The following SLC12A1 variants were observed in gnomAD, a reference collection of about 807,000 sequenced individuals.
The protein encoded by SLC12A1 is solute carrier family 12 member 1, also known as Na-K-2Cl cotransporter.
A neutral mutation model predicts 130.4 loss-of-function variants in SLC12A1; 89 were observed. The observed-to-expected ratio is 0.68, with a 90% confidence interval of 0.58 to 0.81. SLC12A1 has a LOEUF of 0.81. SLC12A1 is among the 40% of genes least tolerant of loss of function. The pLI is 0.00. For synonymous variants in SLC12A1, 499 were observed against 460.0 expected, an observed-to-expected ratio of 1.08 and a Z score of -1.09; for missense variants, 1,310 against 1,336.4, an observed-to-expected ratio of 0.98 and a Z score of 0.31.
At position 48,229,161 on chromosome 15, in the gene SLC12A1, T is replaced by A. The variant is rs112415791; in HGVS notation, c.725-28T>A. ...GTTATATAAACTAGCAGTTCCTCAA[T>A]GTGAAGTATGTTCATTTCTTGTTTC... On this transcript the variant is annotated intron_variant, in intron 5 of 26. Transcript: ENST00000380993. 1.5e-5 allele frequency: 24 copies of A among 1,571,258 alleles called. No homozygotes were observed. In the African/African-American group the frequency reaches 2.0e-4, roughly 13 times the overall value.
chr15:48,226,406 A>G (rs2041286747), intron 4 of SLC12A1, 70 bp from the exon 5 acceptor site: 3 of 915,884 alleles, frequency 3.3e-6, no homozygotes, highest in Admixed American at 2.4e-5. Context: ...AAGGCAGTGT[A>G]GTTTGCAGCA....
chr15:48,303,116 C>T lies in SLC12A1; in HGVS notation c.*231C>T. Reference sequence around the variant, plus strand: ...TATCCCTAGAAAAACATTTTTGTCACTGCTGTTGATAAACAAGAAAATCAA... The same window carrying T: ...TATCCCTAGAAAAACATTTTTGTCATTGCTGTTGATAAACAAGAAAATCAA... On this transcript the variant is annotated 3_prime_UTR_variant, in exon 27 of 27. Coordinates refer to ENST00000380993, the MANE Select transcript of SLC12A1 (RefSeq NM_000338.3). 1 of 329,522 alleles carries T rather than the reference C, an allele frequency of 3.0e-6. No individual in the cohort carries two copies. The highest frequency in any genetic ancestry group is 5.5e-6 in the Non-Finnish European group (1 of 183,326). The allele number at this position is 329,522 out of a possible 1,614,324, so 20.4% of individuals were successfully genotyped here. A position where few individuals can be genotyped will look rare whatever the true frequency, so the allele number is the denominator to read the frequency against.
Position 48,228,904 on chromosome 15 carries a change from G to A in SLC12A1, c.725-285G>A, listed in dbSNP as rs60545295. 0.18 allele frequency: 46,028 copies of A among 256,128 alleles called. 4,374 individuals are homozygous for A. Among genetic ancestry groups the A allele is most frequent in the African/African-American group, 0.25 (11,207 of 45,160 alleles). 15.9% of individuals were successfully genotyped at this position (256,128 alleles called of 1,614,324 possible). On this transcript the variant is annotated intron_variant, in intron 5 of 26. Transcript: ENST00000380993. The stretch of plus-strand genomic sequence containing the variant: ...CCAATGATATTTTTATAAAGACAAC[G>A]CATTTTTTGTAAATTTTGCTGTGTT...
At chr15:48,262,718 T>C (rs2041789575) in intron 17 of SLC12A1, among the ~76,000 whole-genome samples, 1 of 152,222 alleles carries the variant, frequency 6.6e-6, no homozygotes, top group Admixed American at 6.5e-5. Flanking sequence ...TCTATCCCAA[T>C]AGGCTTTATA....
chr15:48,271,104 T>C (rs2041894067), intron 19 of SLC12A1, among the ~76,000 whole-genome samples: 1 of 151,162 alleles, frequency 6.6e-6, no homozygotes, highest in Admixed American at 6.6e-5. Flanking sequence ...GGCGCCTACT[T>C]GGGAGGCTGA....
intron 15 of SLC12A1, among the ~76,000 whole-genome samples, chr15:48,254,631 C>A (rs1365580002): frequency 0.02 from 1,386 of 69,258 alleles, 22 homozygotes; most frequent in African/African-American, 0.033. Context: ...AAAAAAAAAA[C>A]CCAAAAAAGA....
chr15:48,252,467 T>C (rs959578424), intron 15 of SLC12A1, among the ~76,000 whole-genome samples: 1 of 152,144 alleles, frequency 6.6e-6, no homozygotes, highest in African/African-American at 2.4e-5. Flanking sequence ...ATAAATTAGA[T>C]ATAGTCCCTG....
intron 26 of SLC12A1, among the ~76,000 whole-genome samples, chr15:48,302,263 A>G (rs2061653972): frequency 6.6e-6 from 1 of 152,190 alleles, no homozygotes; most frequent in Admixed American, 6.5e-5. Flanking sequence ...TACCTGAAAA[A>G]TACATCAGTT....
intron 2 of SLC12A1, among the ~76,000 whole-genome samples, chr15:48,218,371 C>T (rs1053488576): frequency 5.3e-5 from 8 of 151,822 alleles, no homozygotes; most frequent in African/African-American, 1.7e-4. Context: ...GCACTCACCT[C>T]GGGAAGGAAA....
chr15:48,218,959 T>A (rs1323033378), intron 2 of SLC12A1, among the ~76,000 whole-genome samples: 1 of 152,222 alleles, frequency 6.6e-6, no homozygotes, highest in African/African-American at 2.4e-5. Context: ...CCTGCCCTCT[T>A]GAGCTCAGAT....
chr15:48,266,159 A>C (rs2041829714), intron 17 of SLC12A1, among the ~76,000 whole-genome samples: 1 of 152,182 alleles, frequency 6.6e-6, no homozygotes, highest in Admixed American at 6.5e-5. Flanking sequence ...TGTAGAACAT[A>C]CCTCAAGAGA....
chr15:48,296,419 G>T (rs1321404205), intron 24 of SLC12A1, among the ~76,000 whole-genome samples: 1 of 152,116 alleles, frequency 6.6e-6, no homozygotes, highest in African/African-American at 2.4e-5. Flanking sequence ...AAGCTCTTGT[G>T]CTTAAATTCT....
At chr15:48,283,820 C>T (rs1319855287) in intron 20 of SLC12A1, among the ~76,000 whole-genome samples, 1 of 152,218 alleles carries the variant, frequency 6.6e-6, no homozygotes, top group East Asian at 1.9e-4. Flanking sequence ...CTGTTCTCAG[C>T]AGGCAATAAG....
intron 9 of SLC12A1, among the ~76,000 whole-genome samples, chr15:48,240,064 T>TCC (rs2041492940): frequency 1.0e-5 from 1 of 99,808 alleles, no homozygotes; most frequent in Non-Finnish European, 1.8e-5. Flanking sequence ...TATATATATA[T>TCC]ATATATCCAT....
At position 48,288,089 on chromosome 15, in the gene SLC12A1, C is replaced by T. The variant is rs373172332; in HGVS notation, c.2676C>T (p.Asn892=). The change falls in exon 22 of 27, where the codon AAC becomes AAT. Residue 892 remains asparagine (N), a synonymous_variant. Transcript: ENST00000380993. ...TSQSMHVGEF[N]QKLVEASTQF... ...AGTCGATGCATGTGGGAGAGTTCAA[C>T]CAGAAACTGGTGGAAGCCAGCACTC... is the stretch of plus-strand genomic sequence containing the variant. 20 of 1,610,760 alleles carry T rather than the reference C, an allele frequency of 1.2e-5. No individual in the cohort carries two copies. Among genetic ancestry groups the T allele is most frequent in the Non-Finnish European group, 1.7e-5 (20 of 1,178,548 alleles).
chr15:48,237,860 G>C (rs997572313), intron 9 of SLC12A1, among the ~76,000 whole-genome samples: 10 of 152,062 alleles, frequency 6.6e-5, no homozygotes, highest in Admixed American at 3.9e-4. Flanking sequence ...AGGGTGGTTT[G>C]GAAGGTGGGA....
At chr15:48,232,469 C>G (rs1694535366) in intron 7 of SLC12A1, among the ~76,000 whole-genome samples, 1 of 152,196 alleles carries the variant, frequency 6.6e-6, no homozygotes, top group Non-Finnish European at 1.5e-5. Context: ...CCATCTGCTA[C>G]TTAGAATGTT....
chr15:48,271,320 A>C (rs1489260460), intron 19 of SLC12A1, among the ~76,000 whole-genome samples: 2 of 152,208 alleles, frequency 1.3e-5, no homozygotes, highest in African/African-American at 4.8e-5. Context: ...TTTTGTGTCA[A>C]CATCTCTGGA....
chr15:48,215,051 A>C (rs959403516), intron 2 of SLC12A1, among the ~76,000 whole-genome samples: 6 of 151,968 alleles, frequency 3.9e-5, no homozygotes, highest in African/African-American at 1.5e-4. Flanking sequence ...AAGAATAAAT[A>C]TATTTATTTT....
Sources: gnomAD v4.1 joint callset for allele counts (sites outside exome capture counted in the v4.1 genomes callset) on GRCh38, gnomAD v4.1.1 for gene constraint, MANE v1.5 for transcripts, NCBI Gene and HGNC (gene_info 2026-07-23, HGNC 2026-07-21) for gene names.